WWOX: variants seen among roughly 807,000 people sequenced by gnomAD.
WWOX encodes WW domain-containing oxidoreductase.
In WWOX, 69 loss-of-function variants were observed where a neutral mutation model predicts 46.2. The ratio of observed to expected loss-of-function variants is 1.49; its 90% confidence interval spans 1.23 to 1.82. The LOEUF is 1.82. Ranked by LOEUF, WWOX falls within the 40% of genes most tolerant of loss-of-function variation. WWOX has a pLI of 0.00. For missense variants in WWOX, 919 were observed against 542.6 expected, an observed-to-expected ratio of 1.69 and a Z score of -6.89; for synonymous variants, 359 against 202.6, an observed-to-expected ratio of 1.77 and a Z score of -6.56.
chr16:78,231,422 C>A (rs1409469886), intron 5 of WWOX, among the ~76,000 whole-genome samples: 1 of 152,116 alleles, frequency 6.6e-6, no homozygotes, highest in African/African-American at 2.4e-5. Context: ...AATGTACCTA[C>A]AGAAATGAGG....
At chr16:78,786,784 A>G (rs529928835) in intron 8 of WWOX, among the ~76,000 whole-genome samples, 3 of 152,242 alleles carry the variant, frequency 2.0e-5, no homozygotes, top group Non-Finnish European at 4.4e-5. Context: ...CATCTTCTAC[A>G]TGCCAAGAAT....
intron 5 of WWOX, among the ~76,000 whole-genome samples, chr16:78,293,837 G>T (rs949908740): frequency 6.6e-6 from 1 of 151,786 alleles, no homozygotes; most frequent in African/African-American, 2.4e-5. Flanking sequence ...TTAGCCAGGT[G>T]TGTTGTCACG....
intron 8 of WWOX, chr16:78,890,203 A>T (rs2044559069): frequency 5.3e-5 from 8 of 152,238 alleles, no homozygotes; most frequent in Admixed American, 5.2e-4. Context: ...TAAATGAGGC[A>T]CATCTATTCT....
At chr16:78,554,870 G>T (rs368528667) in intron 8 of WWOX, among the ~76,000 whole-genome samples, 1 of 152,152 alleles carries the variant, frequency 6.6e-6, no homozygotes. Context: ...GGTGGGACCT[G>T]GTGCTGGAGA....
intron 5 of WWOX, among the ~76,000 whole-genome samples, chr16:78,275,266 C>G (rs1338919217): frequency 6.6e-6 from 1 of 152,166 alleles, no homozygotes; most frequent in Non-Finnish European, 1.5e-5. Context: ...CTTGGTTTCT[C>G]TTAAAAAACT....
At chr16:78,714,651 A>T (rs903378969) in intron 8 of WWOX, among the ~76,000 whole-genome samples, 3 of 152,178 alleles carry the variant, frequency 2.0e-5, no homozygotes, top group African/African-American at 7.2e-5. Context: ...AGGCGGAGGA[A>T]ACGGTAAATG....
chr16:78,398,352 T>G (rs903582802), intron 6 of WWOX, among the ~76,000 whole-genome samples: 1 of 152,154 alleles, frequency 6.6e-6, no homozygotes, highest in Non-Finnish European at 1.5e-5. Flanking sequence ...ACTCTGAGCC[T>G]TTGCTTGTGT....
At chr16:79,063,707 T>C (rs936966964) in intron 8 of WWOX, among the ~76,000 whole-genome samples, 2 of 152,104 alleles carry the variant, frequency 1.3e-5, no homozygotes, top group African/African-American at 4.8e-5. Context: ...GAAACCTCTG[T>C]GAAAAATCCA....
At chr16:78,622,185 C>A (rs1240468578) in intron 8 of WWOX, among the ~76,000 whole-genome samples, 1 of 152,120 alleles carries the variant, frequency 6.6e-6, no homozygotes. Flanking sequence ...TCTCTCCATT[C>A]TTCTCTCCTG....
chr16:78,329,763 T>C (rs189484424), intron 5 of WWOX, among the ~76,000 whole-genome samples: 260 of 151,930 alleles, frequency 1.7e-3, no homozygotes, highest in Non-Finnish European at 3.0e-3. Flanking sequence ...TTTTTTTTTT[T>C]TGAGACAGGG....
At chr16:78,375,958 C>T (rs1010150337) in intron 5 of WWOX, among the ~76,000 whole-genome samples, 1 of 149,532 alleles carries the variant, frequency 6.7e-6, no homozygotes, top group Admixed American at 6.8e-5. Context: ...TCAAGTGGTT[C>T]TTCTGCCTCA....
chr16:78,985,180 C>T (rs914131092), intron 8 of WWOX, among the ~76,000 whole-genome samples: 1 of 152,180 alleles, frequency 6.6e-6, no homozygotes, highest in Non-Finnish European at 1.5e-5. Context: ...CATCGGCATG[C>T]GATTTCTTCC....
intron 8 of WWOX, among the ~76,000 whole-genome samples, chr16:78,947,102 A>G (rs1012552573): frequency 7.2e-5 from 10 of 139,058 alleles, no homozygotes; most frequent in East Asian, 4.1e-4. Flanking sequence ...ATCCCTGTGG[A>G]AAAAAAAAAA....
At chr16:78,251,581 C>T (rs4377167) in intron 5 of WWOX, among the ~76,000 whole-genome samples, 44,805 of 152,042 alleles carry the variant, frequency 0.29, 6,837 homozygotes, top group East Asian at 0.4. Context: ...TGCTGCAAAA[C>T]TCTTCTAGCT....
chr16:78,558,786 A>G (rs773479618), intron 8 of WWOX, among the ~76,000 whole-genome samples: 2 of 152,188 alleles, frequency 1.3e-5, no homozygotes, highest in Non-Finnish European at 2.9e-5. Context: ...TCTTCTGCCT[A>G]GAGTATGCCT....
At chr16:78,826,645 G>T (rs7204559) in intron 8 of WWOX, among the ~76,000 whole-genome samples, 2 of 152,026 alleles carry the variant, frequency 1.3e-5, no homozygotes, top group African/African-American at 2.4e-5. Context: ...CTGATCTCAT[G>T]TCAAGATCCG....
At chr16:78,859,001 T>TA (rs542176032) in intron 8 of WWOX, among the ~76,000 whole-genome samples, 6 of 44,314 alleles carry the variant, frequency 1.4e-4, no homozygotes, top group African/African-American at 1.5e-4. Flanking sequence ...TTTTGAAATT[T>TA]AAAAAAAAAA....
At chr16:78,420,651 A>AT (rs1555535929) in intron 6 of WWOX, among the ~76,000 whole-genome samples, 6,424 of 139,120 alleles carry the variant, frequency 0.046, 206 homozygotes, top group Middle Eastern at 0.078. Flanking sequence ...GTGATTGCTA[A>AT]TTTTTTTTTT....
chr16:78,749,556 T>C (rs28666602), intron 8 of WWOX, among the ~76,000 whole-genome samples: 22,653 of 152,028 alleles, frequency 0.15, 2,064 homozygotes, highest in African/African-American at 0.25. Context: ...TGCAAAGTAG[T>C]TTAAGGATGT....
Sources: allele counts gnomAD v4.1 joint callset (sites outside exome capture counted in the v4.1 genomes callset), GRCh38; gene constraint gnomAD v4.1.1; transcripts MANE v1.5; gene names NCBI Gene and HGNC (gene_info 2026-07-23, HGNC 2026-07-21).